The following CDH12 variants were observed in gnomAD, a reference collection of about 807,000 sequenced individuals.
The protein encoded by CDH12 is cadherin 12.
A neutral mutation model predicts 74.1 loss-of-function variants in CDH12; 41 were observed. That is an observed-to-expected ratio of 0.55 (90% CI 0.43 to 0.72). The LOEUF is 0.72. Among genes scored for constraint, CDH12 ranks in the 30% least tolerant of loss-of-function variants. The pLI is 0.00. For missense variants in CDH12, 945 were observed against 977.2 expected, an observed-to-expected ratio of 0.97 and a Z score of 0.44; for synonymous variants, 399 against 355.0, an observed-to-expected ratio of 1.12 and a Z score of -1.39.
intron 3 of CDH12, among the ~76,000 whole-genome samples, chr5:22,392,825 T>C (rs1264299193): frequency 1.3e-5 from 2 of 152,158 alleles, no homozygotes; most frequent in African/African-American, 4.8e-5. Flanking sequence ...AGATAGAGTA[T>C]AGTGGAGAGA....
At chr5:21,912,833 G>T (rs973927914) in intron 6 of CDH12, among the ~76,000 whole-genome samples, 1 of 151,640 alleles carries the variant, frequency 6.6e-6, no homozygotes, top group African/African-American at 2.4e-5. Flanking sequence ...GGGGAAAAAG[G>T]GTGCTGGTTT....
intron 4 of CDH12, among the ~76,000 whole-genome samples, chr5:22,091,037 T>G (rs934191702): frequency 6.6e-6 from 1 of 151,734 alleles, no homozygotes; most frequent in Non-Finnish European, 1.5e-5. Flanking sequence ...GAAGGTACAC[T>G]CTCCTCGTGT....
chr5:22,088,889 C>T (rs1331801141), intron 4 of CDH12, among the ~76,000 whole-genome samples: 1 of 152,104 alleles, frequency 6.6e-6, no homozygotes, highest in African/African-American at 2.4e-5. Context: ...TGAAAGTGTC[C>T]CCCAAGGTAA....
At chr5:22,442,488 T>C (rs985913107) in intron 2 of CDH12, among the ~76,000 whole-genome samples, 3 of 152,128 alleles carry the variant, frequency 2.0e-5, no homozygotes, top group African/African-American at 7.2e-5. Context: ...CCATGCTATG[T>C]TTTCCTTTTA....
intron 1 of CDH12, among the ~76,000 whole-genome samples, chr5:22,823,439 C>T (rs1158459852): frequency 1.3e-5 from 2 of 151,846 alleles, no homozygotes; most frequent in African/African-American, 2.4e-5. Flanking sequence ...TTGCCTGCTG[C>T]CACTCATGTA....
chr5:22,035,068 G>C (rs1739077354), intron 5 of CDH12, among the ~76,000 whole-genome samples: 1 of 152,082 alleles, frequency 6.6e-6, no homozygotes, highest in African/African-American at 2.4e-5. Flanking sequence ...TCAAGTTGTG[G>C]TTTCTAAGAA....
intron 6 of CDH12, among the ~76,000 whole-genome samples, chr5:21,948,307 G>A (rs1755670560): frequency 6.6e-6 from 1 of 152,202 alleles, no homozygotes; most frequent in Non-Finnish European, 1.5e-5. Context: ...GCCAGCCTGT[G>A]AAGGAACTGC....
At chr5:22,218,666 G>GCAAGT (rs1751907403) in intron 3 of CDH12, among the ~76,000 whole-genome samples, 1 of 151,618 alleles carries the variant, frequency 6.6e-6, no homozygotes, top group African/African-American at 2.4e-5. Context: ...CTTCACAGGT[G>GCAAGT]TATATATGTG....
intron 2 of CDH12, among the ~76,000 whole-genome samples, chr5:22,496,750 G>T (rs1252199003): frequency 6.6e-6 from 1 of 152,040 alleles, no homozygotes; most frequent in Non-Finnish European, 1.5e-5. Flanking sequence ...CAGTTGAAAG[G>T]CTTCCTTCAT....
At chr5:22,415,587 GA>G in intron 2 of CDH12, among the ~76,000 whole-genome samples, 1 of 152,278 alleles carries the variant, frequency 6.6e-6, no homozygotes, top group South Asian at 2.1e-4. Context: ...CTGGCTTGTT[GA>G]AAAATGAAAA....
chr5:22,447,769 A>G (rs558386191), intron 2 of CDH12, among the ~76,000 whole-genome samples: 32 of 152,200 alleles, frequency 2.1e-4, no homozygotes, highest in African/African-American at 7.7e-4. Flanking sequence ...AAAACAAAAT[A>G]AAGCAACACA....
chr5:22,160,878 TG>T (rs1748303816), intron 4 of CDH12, among the ~76,000 whole-genome samples: 1 of 152,166 alleles, frequency 6.6e-6, no homozygotes, highest in African/African-American at 2.4e-5. Flanking sequence ...CATACAAGTT[TG>T]GGGGAAAAGC....
intron 3 of CDH12, among the ~76,000 whole-genome samples, chr5:22,280,693 T>A (rs1736839634): frequency 6.6e-6 from 1 of 152,148 alleles, no homozygotes; most frequent in Non-Finnish European, 1.5e-5. Context: ...AATCTCTGAA[T>A]AGACCAATAA....
intron 2 of CDH12, among the ~76,000 whole-genome samples, chr5:22,449,075 T>TATATAA (rs1554041524): frequency 6.6e-6 from 1 of 151,996 alleles, no homozygotes; most frequent in Non-Finnish European, 1.5e-5. Context: ...TATATATATA[T>TATATAA]AATGCCTTGA....
chr5:22,804,115 A>C (rs1330320863), intron 1 of CDH12, among the ~76,000 whole-genome samples: 1 of 152,230 alleles, frequency 6.6e-6, no homozygotes, highest in Non-Finnish European at 1.5e-5. Flanking sequence ...TTTGAAGTTC[A>C]CATGACATTT....
intron 1 of CDH12, among the ~76,000 whole-genome samples, chr5:22,581,106 T>C (rs1200274899): frequency 2.0e-5 from 3 of 152,314 alleles, no homozygotes; most frequent in South Asian, 4.1e-4. Flanking sequence ...GAAATTTGCA[T>C]ATGTCACAAG....
At chr5:22,667,263 T>C (rs992771185) in intron 1 of CDH12, among the ~76,000 whole-genome samples, 2 of 152,178 alleles carry the variant, frequency 1.3e-5, no homozygotes, top group Non-Finnish European at 2.9e-5. Flanking sequence ...GTCCAGCTCT[T>C]GGTAGAGATG....
At chr5:21,823,481 T>C (rs1423766983) in intron 8 of CDH12, among the ~76,000 whole-genome samples, 1 of 152,098 alleles carries the variant, frequency 6.6e-6, no homozygotes, top group Non-Finnish European at 1.5e-5. Flanking sequence ...TGGCAAACCC[T>C]AACTCTTGAT....
chr5:21,815,473 G>A (rs1243952319), intron 9 of CDH12, among the ~76,000 whole-genome samples: 1 of 152,056 alleles, frequency 6.6e-6, no homozygotes, highest in Non-Finnish European at 1.5e-5. Context: ...CACATTAACA[G>A]ACTCCTTCAT....
Sources: allele counts gnomAD v4.1 joint callset (sites outside exome capture counted in the v4.1 genomes callset), GRCh38; gene constraint gnomAD v4.1.1; transcripts MANE v1.5; gene names NCBI Gene and HGNC (gene_info 2026-07-23, HGNC 2026-07-21).